The following POC1A variants were observed in gnomAD, a reference collection of about 807,000 sequenced individuals.
POC1A encodes POC1 centriolar protein homolog A.
In POC1A, 34 loss-of-function variants were observed where a neutral mutation model predicts 47.8. That is an observed-to-expected ratio of 0.71 (90% confidence interval 0.54 to 0.95). POC1A has a LOEUF of 0.95. POC1A is among the 40% of genes least tolerant of loss of function. The probability of loss-of-function intolerance (pLI) is 0.00; values close to 1 mark genes in which losing one functional copy is unlikely to be tolerated. For missense variants in POC1A, 466 were observed against 528.3 expected, an observed-to-expected ratio of 0.88 and a Z score of 1.16; for synonymous variants, 177 against 207.6, an observed-to-expected ratio of 0.85 and a Z score of 1.27.
intron 6 of POC1A, among the ~76,000 whole-genome samples, chr3:52,138,730 C>T (rs1031370530): frequency 2.6e-5 from 4 of 152,192 alleles, no homozygotes; most frequent in African/African-American, 9.7e-5. Flanking sequence ...AATGCCACTG[C>T]CACACAGGAA....
intron 10 of POC1A, among the ~76,000 whole-genome samples, chr3:52,091,050 C>T (rs1253305237): frequency 6.6e-6 from 1 of 152,190 alleles, no homozygotes; most frequent in African/African-American, 2.4e-5. Flanking sequence ...CTGGGTTTTT[C>T]TCTGGAAGCC....
chr3:52,115,616 G>A (rs560556014), intron 9 of POC1A, among the ~76,000 whole-genome samples: 1 of 152,252 alleles, frequency 6.6e-6, no homozygotes, highest in South Asian at 2.1e-4. Flanking sequence ...GAGGTGATTA[G>A]GTCATATGGG....
intron 4 of POC1A, among the ~76,000 whole-genome samples, chr3:52,147,538 A>C (rs754069497): frequency 1.7e-4 from 26 of 151,954 alleles, no homozygotes; most frequent in Admixed American, 3.3e-4. Flanking sequence ...GGCTCAAGAG[A>C]TCCTCCCACC....
chr3:52,140,871 C>T (rs1004473709), intron 6 of POC1A, among the ~76,000 whole-genome samples: 5 of 152,224 alleles, frequency 3.3e-5, no homozygotes, highest in African/African-American at 4.8e-5. Context: ...GAGTCTACCA[C>T]GAAGGCTAGG....
chr3:52,114,093 G>A (rs1703475519), intron 9 of POC1A, among the ~76,000 whole-genome samples: 1 of 152,236 alleles, frequency 6.6e-6, no homozygotes, highest in African/African-American at 2.4e-5. Context: ...CCCAGCCTCT[G>A]CTCAGACCAG....
intron 8 of POC1A, among the ~76,000 whole-genome samples, chr3:52,122,893 G>A (rs1257163602): frequency 1.3e-5 from 2 of 152,262 alleles, no homozygotes; most frequent in Non-Finnish European, 2.9e-5. Flanking sequence ...AGAGTAGGGA[G>A]TTATTTAATC....
chr3:52,094,296 A>G (rs1338447235), intron 10 of POC1A, among the ~76,000 whole-genome samples: 1 of 152,212 alleles, frequency 6.6e-6, no homozygotes, highest in Admixed American at 6.5e-5. Flanking sequence ...GCCCAGCTGA[A>G]CAAGCCGCTT....
At chr3:52,117,746 C>T (rs1460996442) in intron 9 of POC1A, among the ~76,000 whole-genome samples, 1 of 152,104 alleles carries the variant, frequency 6.6e-6, no homozygotes, top group Non-Finnish European at 1.5e-5. Context: ...TGTTCTCCTC[C>T]CACCCCACCC....
At chr3:52,153,820 G>A (rs1048164178) in intron 1 of POC1A, among the ~76,000 whole-genome samples, 2 of 152,130 alleles carry the variant, frequency 1.3e-5, no homozygotes, top group African/African-American at 4.8e-5. Flanking sequence ...CTACCACCCA[G>A]CCTCCCTGAC....
chr3:52,140,523 G>C (rs1220802213), intron 6 of POC1A, among the ~76,000 whole-genome samples: 2 of 152,218 alleles, frequency 1.3e-5, no homozygotes, highest in East Asian at 3.8e-4. Flanking sequence ...TCAGTGTATG[G>C]ATGCCACACC....
At chr3:52,143,882 A>C (rs1698280039) in intron 6 of POC1A, among the ~76,000 whole-genome samples, 1 of 152,142 alleles carries the variant, frequency 6.6e-6, no homozygotes, top group Non-Finnish European at 1.5e-5. Context: ...CGAGCCAGAG[A>C]TGGCATCCAA....
chr3:52,111,436 C>G (rs1002317171), intron 9 of POC1A, among the ~76,000 whole-genome samples: 11 of 152,056 alleles, frequency 7.2e-5, no homozygotes, highest in Non-Finnish European at 1.5e-4. Flanking sequence ...CACCAGAGGT[C>G]AAGAGTTTGT....
intron 7 of POC1A, among the ~76,000 whole-genome samples, chr3:52,136,781 T>G (rs985042758): frequency 1.3e-5 from 2 of 152,248 alleles, no homozygotes; most frequent in Admixed American, 1.3e-4. Context: ...CTTTCGTTTA[T>G]GTGCCAGATG....
chr3:52,142,676 G>A (rs1485112119), intron 6 of POC1A, among the ~76,000 whole-genome samples: 1 of 152,218 alleles, frequency 6.6e-6, no homozygotes, highest in African/African-American at 2.4e-5. Context: ...CACTAGGGGA[G>A]ACACTGCACG....
In POC1A at chr3:52,114,602, G is replaced by A. The variant is rs180691631; in HGVS notation, c.981+7777C>T. ...TTCCAGTCAGGGGTCTCTTATTAGC[G>A]TTCCTGCACTTCAATCCCAGAGACA... On this transcript the variant is annotated intron_variant, in intron 9 of 10. Coordinates refer to ENST00000296484, the MANE Select transcript of POC1A (RefSeq NM_015426.5). 3.0e-4 allele frequency among the ~76,000 whole-genome samples: 45 copies of A among 152,210 alleles called. 1 individual carries two copies. The highest frequency in any genetic ancestry group is 8.9e-4 in the African/African-American group (37 of 41,514).
intron 7 of POC1A, among the ~76,000 whole-genome samples, chr3:52,128,306 G>C (rs2107118602): frequency 6.6e-6 from 1 of 152,332 alleles, no homozygotes; most frequent in Non-Finnish European, 1.5e-5. Flanking sequence ...AACAGCAGCA[G>C]AACCAACAAA....
intron 9 of POC1A, among the ~76,000 whole-genome samples, chr3:52,108,902 CG>C (rs951309261): frequency 6.6e-6 from 1 of 152,214 alleles, no homozygotes; most frequent in African/African-American, 2.4e-5. Context: ...TGCCCCCCAG[CG>C]GATGCCTGGC....
Position 52,149,965 on chromosome 3 carries a change from G to A in POC1A, c.126C>T (p.Cys42=), listed in dbSNP as rs746565290. The part of the protein sequence containing the change: ...KQLASGSMDS[C]LMVWHMKPQS... ...GCGGCTTCATGTGCCAGACCATGAGGCATGAGTCCATGGAGCCACTGGCTG... is the reference window on the plus strand; with the variant it reads ...GCGGCTTCATGTGCCAGACCATGAGACATGAGTCCATGGAGCCACTGGCTG... Residue 42 remains cysteine, a synonymous_variant, in exon 3 of 11, where the codon TGC becomes TGT. Coordinates refer to ENST00000296484, the MANE Select transcript of POC1A (RefSeq NM_015426.5). The A allele has an allele frequency of 1.2e-6, 2 of 1,613,644 alleles. No individual in the cohort carries two copies. The highest frequency in any genetic ancestry group is 4.5e-5 in the East Asian group (2 of 44,886).
At chr3:52,150,648 C>G (rs1206337376) in intron 2 of POC1A, among the ~76,000 whole-genome samples, 3 of 152,082 alleles carry the variant, frequency 2.0e-5, no homozygotes, top group Non-Finnish European at 2.9e-5. Context: ...CAAGGTGTGC[C>G]TTATTACTGT....
Sources: allele counts gnomAD v4.1 joint callset (sites outside exome capture counted in the v4.1 genomes callset), GRCh38; gene constraint gnomAD v4.1.1; transcripts MANE v1.5; gene names NCBI Gene and HGNC (gene_info 2026-07-23, HGNC 2026-07-21).